SYCP1: variants seen among roughly 807,000 people sequenced by gnomAD.
SYCP1 encodes cancer/testis antigen 8.
SYCP1 carries 64 observed loss-of-function variants against 153.1 expected under a neutral mutation model. The ratio of observed to expected loss-of-function variants is 0.42; its 90% CI spans 0.34 to 0.51. The LOEUF is 0.51. Among genes scored for constraint, SYCP1 ranks in the 20% least tolerant of loss-of-function variants. SYCP1 has a pLI of 0.06. For synonymous variants in SYCP1, 384 were observed against 341.8 expected (o/e 1.12, Z -1.36); for missense variants, 997 against 1,049.0 (o/e 0.95, Z 0.68).
chr1:114,904,326 C>T (rs1667678515), intron 16 of SYCP1, among the ~76,000 whole-genome samples: 1 of 152,028 alleles, frequency 6.6e-6, no homozygotes, highest in Admixed American at 6.5e-5. Context: ...CCGTGTTAGC[C>T]AGGATGGTCT....
intron 27 of SYCP1, among the ~76,000 whole-genome samples, chr1:114,960,559 C>T (rs1269454975): frequency 1.3e-5 from 2 of 152,140 alleles, no homozygotes; most frequent in African/African-American, 2.4e-5. Flanking sequence ...TCCACGTCCT[C>T]GTCAGCATTT....
chr1:114,856,618 A>G lies in SYCP1; in HGVS notation c.154A>G (p.Lys52Glu). The G allele has an allele frequency of 1.9e-6, 3 of 1,612,384 alleles. No homozygotes were observed. The highest frequency in any genetic ancestry group is 2.5e-6 in the Non-Finnish European group (3 of 1,179,324). ...TEDDFEFPFA[K>E]TNLSKNGENI... ...AGATGATTTTGAGTTTCCATTTGCAAAGACTAATCTCTCCAAAAATGGGGA... is the reference window on the plus strand; with the variant it reads ...AGATGATTTTGAGTTTCCATTTGCAGAGACTAATCTCTCCAAAAATGGGGA... Residue 52 changes from lysine to glutamate, a missense_variant, in exon 3 of 32, where the codon AAG becomes GAG. By Grantham distance (56) the Lys-to-Glu change is moderately conservative (BLOSUM62 1). Coordinates refer to ENST00000369522, the MANE Select transcript of SYCP1 (RefSeq NM_003176.4).
intron 20 of SYCP1, among the ~76,000 whole-genome samples, chr1:114,916,363 A>T (rs1668505736): frequency 6.6e-6 from 1 of 152,126 alleles, no homozygotes; most frequent in Admixed American, 6.5e-5. Context: ...GAATTGGATC[A>T]TAGTAATAAT....
rs1169059861 is a variant in SYCP1 at position 114,961,092 on chromosome 1, T to C, written c.2322+13772T>C. On this transcript the variant is annotated intron_variant, in intron 27 of 31. Transcript: ENST00000369522. ...TGGTTTAATCTAGGAGGGTTGTATA[T>C]TTCCAGGAATTTATCCATCTCTTCT... Among the ~76,000 whole-genome samples the C allele has an allele frequency of 2.0e-5, 3 of 152,178 alleles. 1 individual carries two copies. The East Asian group carries it at 5.8e-4, about 29-fold the overall frequency.
At chr1:114,884,235 T>C (rs570728191) in intron 12 of SYCP1, among the ~76,000 whole-genome samples, 15 of 152,320 alleles carry the variant, frequency 9.8e-5, no homozygotes, top group African/African-American at 3.4e-4. Context: ...TTATTCGTTA[T>C]ACTTCAAGCC....
chr1:114,886,074 T>C (rs370738902), intron 13 of SYCP1, 51 bp from the exon 14 acceptor site: 80 of 1,284,676 alleles, frequency 6.2e-5, no homozygotes, highest in Non-Finnish European at 7.9e-5. Context: ...TCAGCTTTTT[T>C]GGTTAAGGCC....
chr1:114,871,875 T>G (rs1052329821), intron 8 of SYCP1, among the ~76,000 whole-genome samples: 1 of 152,220 alleles, frequency 6.6e-6, no homozygotes, highest in Non-Finnish European at 1.5e-5. Context: ...TGTGAGCCAC[T>G]GCGCCTGGCC....
At chr1:114,872,401 G>A (rs1463209740) in intron 8 of SYCP1, among the ~76,000 whole-genome samples, 2 of 152,084 alleles carry the variant, frequency 1.3e-5, no homozygotes, top group Admixed American at 6.6e-5. Flanking sequence ...TTTCTGAGGA[G>A]GAGTCAGATA....
At chr1:114,921,017 T>C (rs1668831447) in intron 20 of SYCP1, among the ~76,000 whole-genome samples, 1 of 152,250 alleles carries the variant, frequency 6.6e-6, no homozygotes, top group South Asian at 2.1e-4. Flanking sequence ...CTCTAGCCAT[T>C]TCGTTATTTG....
At chr1:114,974,886 T>C (rs997200576) in intron 27 of SYCP1, among the ~76,000 whole-genome samples, 4 of 151,986 alleles carry the variant, frequency 2.6e-5, no homozygotes, top group African/African-American at 9.6e-5. Flanking sequence ...AACTGTATCA[T>C]TAATTTTCTG....
intron 27 of SYCP1, among the ~76,000 whole-genome samples, chr1:114,950,970 G>A (rs1671067313): frequency 6.6e-6 from 1 of 151,948 alleles, no homozygotes; most frequent in Non-Finnish European, 1.5e-5. Context: ...GACTACAGGT[G>A]TCTGCCACCA....
intron 12 of SYCP1, among the ~76,000 whole-genome samples, chr1:114,881,795 C>G (rs779925256): frequency 1.3e-5 from 2 of 152,172 alleles, no homozygotes; most frequent in Admixed American, 6.5e-5. Context: ...AACCACCACG[C>G]CTGGCTTACT....
Position 114,858,534 on chromosome 1 carries a change from CAT to C in SYCP1, c.292-10_292-9del, listed in dbSNP as rs775164578. The C allele has an allele frequency of 9.7e-6, 15 of 1,541,886 alleles. No homozygotes were observed. In the South Asian group the frequency reaches 1.5e-4, roughly 16 times the overall value. Reference sequence around the variant, plus strand: ...ATTTTGGACAATTAATTTTTGAAAACATATTTTAATAGAATTCAGAGGGATTG... The same window carrying C: ...ATTTTGGACAATTAATTTTTGAAAACATTTTAATAGAATTCAGAGGGATTG... On this transcript the variant is annotated splice_polypyrimidine_tract_variant and intron_variant, in intron 5 of 31. Coordinates refer to ENST00000369522, the MANE Select transcript of SYCP1 (RefSeq NM_003176.4).
chr1:114,949,630 C>CT (rs1417924335), intron 27 of SYCP1, among the ~76,000 whole-genome samples: 1 of 152,128 alleles, frequency 6.6e-6, no homozygotes, highest in African/African-American at 2.4e-5. Context: ...TGTCTGTGGT[C>CT]TACCAGGGCT....
Position 114,913,093 on chromosome 1 carries a change from C to T in SYCP1, c.1590C>T (p.Leu530=). Reference sequence around the variant, plus strand: ...AGCTTTCACTAGAAAACAAAGAGCTCACACAGGAAACAAGTGATATGACCC... The same window carrying T: ...AGCTTTCACTAGAAAACAAAGAGCTTACACAGGAAACAAGTGATATGACCC... The part of the protein sequence containing the change: ...CNKLSLENKE[L]TQETSDMTLE... The change falls in exon 19 of 32, where the codon CTC becomes CTT. Residue 530 remains leucine, a synonymous_variant. Coordinates refer to ENST00000369522, the MANE Select transcript of SYCP1 (RefSeq NM_003176.4). The T allele has an allele frequency of 6.2e-7, 1 of 1,612,380 alleles. No individual in the cohort carries two copies. The highest frequency in any genetic ancestry group is 8.5e-7 in the Non-Finnish European group (1 of 1,179,024).
intron 30 of SYCP1, among the ~76,000 whole-genome samples, chr1:114,989,294 C>T (rs1317993243): frequency 6.6e-6 from 1 of 151,864 alleles, no homozygotes; most frequent in African/African-American, 2.4e-5. Flanking sequence ...ATTGTTATAG[C>T]ATTAGGAAGT....
At chr1:114,858,251 G>A (rs6537847) in intron 5 of SYCP1, among the ~76,000 whole-genome samples, 7,462 of 152,146 alleles carry the variant, frequency 0.049, 205 homozygotes, top group Middle Eastern at 0.075. Context: ...CTTATAGGAT[G>A]ATTTATTTTA....
chr1:114,889,318 A>C (rs1217020879), intron 15 of SYCP1, among the ~76,000 whole-genome samples: 1 of 152,222 alleles, frequency 6.6e-6, no homozygotes, highest in Admixed American at 6.5e-5. Flanking sequence ...TTACACTCCC[A>C]ACAGTGTAAA....
chr1:114,934,817 T>C lies in SYCP1; in HGVS notation c.1926+8254T>C, dbSNP rs141932088. Among the ~76,000 whole-genome samples, 980 of 152,092 alleles carry C rather than the reference T, an allele frequency of 6.4e-3. 4 individuals carry two copies. The highest frequency in any genetic ancestry group is 0.011 in the Non-Finnish European group (759 of 67,972). ...AGATCAAAAGAGACAAAGAAGACCA[T>C]AGCATAATGATAAAGGATCAATTCA... On this transcript the variant is annotated intron_variant, in intron 23 of 31. Transcript: ENST00000369522.
Sources: allele counts gnomAD v4.1 joint callset (sites outside exome capture counted in the v4.1 genomes callset), GRCh38; gene constraint gnomAD v4.1.1; transcripts MANE v1.5; gene names NCBI Gene and HGNC (gene_info 2026-07-23, HGNC 2026-07-21).